The following RALYL variants were observed in gnomAD, a reference collection of about 807,000 sequenced individuals.
RALYL encodes the protein RNA-binding Raly-like protein.
In RALYL, 29 loss-of-function variants were observed where a neutral mutation model predicts 35.1. That is an observed-to-expected ratio of 0.83 (90% confidence interval 0.61 to 1.13). RALYL has a LOEUF of 1.13. Ranked by LOEUF, RALYL falls within the 50% of genes most tolerant of loss-of-function variation. The probability of loss-of-function intolerance (pLI) is 0.00; values close to 1 mark genes in which losing one functional copy is unlikely to be tolerated. For synonymous variants in RALYL, 120 were observed against 127.6 expected (o/e 0.94, Z 0.40); for missense variants, 359 against 360.4 (o/e 1.00, Z 0.03).
chr8:84,199,223 G>T (rs570383459), intron 1 of RALYL, among the ~76,000 whole-genome samples: 126 of 152,150 alleles, frequency 8.3e-4, no homozygotes, highest in African/African-American at 2.8e-3. Context: ...TTGTCTTTTC[G>T]ATGTGCATTT....
intron 8 of RALYL, among the ~76,000 whole-genome samples, chr8:84,912,580 C>T (rs1847686121): frequency 6.6e-6 from 1 of 151,978 alleles, no homozygotes; most frequent in Non-Finnish European, 1.5e-5. Context: ...AGAGGATCTC[C>T]AAAACAGTGC....
At chr8:84,880,489 C>T (rs1406683183) in intron 7 of RALYL, among the ~76,000 whole-genome samples, 2 of 151,936 alleles carry the variant, frequency 1.3e-5, no homozygotes, top group Non-Finnish European at 2.9e-5. Context: ...CATCAAATTG[C>T]CAGTCTCAAC....
chr8:84,354,452 C>T (rs1467230313), intron 1 of RALYL, among the ~76,000 whole-genome samples: 2 of 150,380 alleles, frequency 1.3e-5, no homozygotes, highest in East Asian at 3.9e-4. Context: ...TGAAGAAATT[C>T]TCTTCCAGCT....
At chr8:84,224,726 G>A (rs765594089) in intron 1 of RALYL, among the ~76,000 whole-genome samples, 37 of 150,892 alleles carry the variant, frequency 2.5e-4, no homozygotes, top group Admixed American at 1.5e-3. Flanking sequence ...GCATGATCTC[G>A]GCTCACCACA....
chr8:84,575,232 ATTAT>A (rs1399312551), intron 2 of RALYL, among the ~76,000 whole-genome samples: 3 of 152,142 alleles, frequency 2.0e-5, no homozygotes, highest in Non-Finnish European at 4.4e-5. Flanking sequence ...ATGTGTGCCA[ATTAT>A]TTGTTTATAA....
chr8:84,193,035 T>A (rs1408965935), intron 1 of RALYL, among the ~76,000 whole-genome samples: 1 of 152,056 alleles, frequency 6.6e-6, no homozygotes, highest in African/African-American at 2.4e-5. Flanking sequence ...TTTTTTTTCG[T>A]AAGGAAAGTT....
chr8:84,791,904 GT>G (rs1820867154), intron 3 of RALYL, among the ~76,000 whole-genome samples: 1 of 152,308 alleles, frequency 6.6e-6, no homozygotes, highest in Admixed American at 6.5e-5. Flanking sequence ...AGAGTTCCCT[GT>G]TTCCCCCCCG....
chr8:84,804,822 C>T lies in RALYL; in HGVS notation c.365+20C>T. 2 of 1,040,394 alleles carry T rather than the reference C, an allele frequency of 1.9e-6. No homozygotes were observed. Among genetic ancestry groups the T allele is most frequent in the Non-Finnish European group, 2.5e-6 (2 of 793,448 alleles). The allele number at this position is 1,040,394 out of a possible 1,614,324, so 64.4% of individuals were successfully genotyped here. A position where few individuals can be genotyped will look rare whatever the true frequency, so the allele number is the denominator to read the frequency against. On this transcript the variant is annotated intron_variant, in intron 4 of 8. Transcript: ENST00000521268. ...TGTTGGGTAAGTATATATTTAAATA[C>T]TTTAAGTATTAATTATTTAATTCAA...
intron 3 of RALYL, among the ~76,000 whole-genome samples, chr8:84,794,665 G>A (rs973832002): frequency 6.6e-6 from 1 of 152,126 alleles, no homozygotes; most frequent in Non-Finnish European, 1.5e-5. Context: ...TTGGAGAAAG[G>A]ATGAGACCCC....
chr8:84,875,272 C>T (rs907692693), intron 7 of RALYL, among the ~76,000 whole-genome samples: 2 of 152,076 alleles, frequency 1.3e-5, no homozygotes, highest in South Asian at 4.1e-4. Flanking sequence ...CCAATTTGCA[C>T]TTCAGTTTAA....
intron 8 of RALYL, among the ~76,000 whole-genome samples, chr8:84,907,913 T>C (rs1227942067): frequency 2.0e-5 from 3 of 152,070 alleles, no homozygotes; most frequent in Non-Finnish European, 4.4e-5. Flanking sequence ...GTTCCTGCTG[T>C]CCTCTCCTGT....
chr8:84,369,192 G>A (rs1199518254), intron 1 of RALYL, among the ~76,000 whole-genome samples: 1 of 152,094 alleles, frequency 6.6e-6, no homozygotes, highest in Non-Finnish European at 1.5e-5. Context: ...ACACAGTGGA[G>A]AGCAGCCCTG....
At chr8:84,750,525 T>A (rs907347471) in intron 2 of RALYL, among the ~76,000 whole-genome samples, 1 of 152,168 alleles carries the variant, frequency 6.6e-6, no homozygotes, top group African/African-American at 2.4e-5. Context: ...GTTTGAATAT[T>A]TGCCCCCTTC....
chr8:84,367,353 T>G (rs1854663470), intron 1 of RALYL, among the ~76,000 whole-genome samples: 8 of 96,244 alleles, frequency 8.3e-5, no homozygotes, highest in African/African-American at 3.6e-4. Flanking sequence ...TTTTTTTTTT[T>G]TTTTTTTTTT....
intron 1 of RALYL, among the ~76,000 whole-genome samples, chr8:84,370,513 G>A (rs1855472591): frequency 6.6e-6 from 1 of 151,818 alleles, no homozygotes; most frequent in Admixed American, 6.6e-5. Context: ...CTAATCATGA[G>A]TCTGTTAAAC....
At chr8:84,424,510 T>C (rs1199389004) in intron 1 of RALYL, among the ~76,000 whole-genome samples, 1 of 150,152 alleles carries the variant, frequency 6.7e-6, no homozygotes, top group Non-Finnish European at 1.5e-5. Flanking sequence ...CTTCCATAGC[T>C]CAGAGTAATT....
intron 1 of RALYL, among the ~76,000 whole-genome samples, chr8:84,413,124 T>C (rs1033066415): frequency 1.3e-5 from 2 of 150,448 alleles, no homozygotes; most frequent in African/African-American, 4.9e-5. Context: ...TATAATTATA[T>C]ACATAATTAA....
intron 2 of RALYL, among the ~76,000 whole-genome samples, chr8:84,773,556 G>A (rs888180413): frequency 1.3e-5 from 2 of 152,086 alleles, no homozygotes; most frequent in East Asian, 3.8e-4. Context: ...TTAAGATTGA[G>A]GTTGGTCAGT....
At chr8:84,879,915 C>T (rs893911271) in intron 7 of RALYL, among the ~76,000 whole-genome samples, 1 of 151,974 alleles carries the variant, frequency 6.6e-6, no homozygotes, top group African/African-American at 2.4e-5. Context: ...TTGTTCAAGA[C>T]TATTGCAATA....
Sources: gnomAD v4.1 joint callset for allele counts (sites outside exome capture counted in the v4.1 genomes callset) on GRCh38, gnomAD v4.1.1 for gene constraint, MANE v1.5 for transcripts, NCBI Gene and HGNC (gene_info 2026-07-23, HGNC 2026-07-21) for gene names.